KCNK2: variants seen among roughly 807,000 people sequenced by gnomAD.
KCNK2 encodes potassium channel subfamily K member 2.
In KCNK2, 21 loss-of-function variants were observed where a neutral mutation model predicts 40.5. That is an observed-to-expected ratio of 0.52 (90% CI 0.37 to 0.75). The LOEUF (loss-of-function observed/expected upper bound fraction) is 0.75. Ranked by LOEUF, KCNK2 falls within the 30% of genes least tolerant of loss-of-function variation. KCNK2 has a pLI of 0.00. For missense variants in KCNK2, 399 were observed against 531.6 expected (o/e 0.75, Z 2.45); for synonymous variants, 191 against 202.2 (o/e 0.94, Z 0.47).
chr1:215,077,577 G>A (rs1658989044), intron 1 of KCNK2, among the ~76,000 whole-genome samples: 2 of 151,890 alleles, frequency 1.3e-5, no homozygotes, highest in Non-Finnish European at 2.9e-5. Flanking sequence ...GATTTCTTCT[G>A]CGATGAAAAT....
chr1:215,008,767 GA>G (rs1656276269), intron 1 of KCNK2, among the ~76,000 whole-genome samples: 1 of 152,064 alleles, frequency 6.6e-6, no homozygotes, highest in South Asian at 2.1e-4. Flanking sequence ...CAACTCAATA[GA>G]AATATCTATT....
chr1:215,118,327 C>T (rs565056336), intron 2 of KCNK2, among the ~76,000 whole-genome samples: 13 of 152,236 alleles, frequency 8.5e-5, no homozygotes, highest in African/African-American at 2.6e-4. Flanking sequence ...TATTTTTGTG[C>T]TGCAACCATA....
chr1:215,021,244 C>T (rs1358050336), intron 1 of KCNK2, among the ~76,000 whole-genome samples: 2 of 152,124 alleles, frequency 1.3e-5, no homozygotes, highest in Non-Finnish European at 2.9e-5. Flanking sequence ...AGTTATATTT[C>T]AAGTTCCCTA....
rs563939613 is a variant in KCNK2 at position 215,084,458 on chromosome 1, T to G, written c.46+1027T>G. ...AATTGTGGAACTTCTATGTGATTTT[T>G]TTGTTGTTTTTGTTCCAAAGATGGC... On this transcript the variant is annotated intron_variant, in intron 1 of 6. Coordinates refer to ENST00000444842, the MANE Select transcript of KCNK2 (RefSeq NM_001017425.3). Among the ~76,000 whole-genome samples, 21 of 152,330 alleles carry G rather than the reference T, an allele frequency of 1.4e-4. No individual in the cohort carries two copies. In the South Asian group the frequency reaches 1.5e-3, roughly 11 times the overall value.
intron 3 of KCNK2, among the ~76,000 whole-genome samples, chr1:215,160,482 GTATGGC>G (rs1182986145): frequency 2.0e-5 from 3 of 152,164 alleles, no homozygotes; most frequent in Non-Finnish European, 4.4e-5. Flanking sequence ...CAGGTTTATT[GTATGGC>G]TTCTCCTTCC....
chr1:215,011,863 C>T (rs1278762131), intron 1 of KCNK2, among the ~76,000 whole-genome samples: 1 of 151,934 alleles, frequency 6.6e-6, no homozygotes, highest in Non-Finnish European at 1.5e-5. Flanking sequence ...GCCTCGGCCT[C>T]CCAAAGTGCT....
chr1:215,105,891 G>T (rs531670352), intron 2 of KCNK2, among the ~76,000 whole-genome samples: 1 of 152,052 alleles, frequency 6.6e-6, no homozygotes, highest in African/African-American at 2.4e-5. Context: ...TAGTGAGTAA[G>T]CTGTGTCCAT....
chr1:215,056,122 A>G (rs1248102254), intron 1 of KCNK2, among the ~76,000 whole-genome samples: 1 of 152,136 alleles, frequency 6.6e-6, no homozygotes, highest in Non-Finnish European at 1.5e-5. Flanking sequence ...CAGCCTGACC[A>G]AGATGGAGAA....
At chr1:215,195,328 A>G (rs1413820922) in intron 6 of KCNK2, among the ~76,000 whole-genome samples, 2 of 151,372 alleles carry the variant, frequency 1.3e-5, no homozygotes. Flanking sequence ...TTCTAATGAA[A>G]AAGGATGTAA....
At chr1:215,065,280 T>A (rs1218892056) in intron 1 of KCNK2, among the ~76,000 whole-genome samples, 1 of 152,224 alleles carries the variant, frequency 6.6e-6, no homozygotes, top group Non-Finnish European at 1.5e-5. Context: ...TTTCAAAGTT[T>A]GATTTTGTAC....
intron 5 of KCNK2, among the ~76,000 whole-genome samples, chr1:215,178,736 A>G (rs1664097366): frequency 6.6e-6 from 1 of 152,080 alleles, no homozygotes; most frequent in Admixed American, 6.6e-5. Context: ...TAACTTTTTG[A>G]TGTGCTGTTG....
intron 2 of KCNK2, among the ~76,000 whole-genome samples, chr1:215,101,419 A>G (rs1403178474): frequency 6.6e-6 from 1 of 151,876 alleles, no homozygotes; most frequent in African/African-American, 2.4e-5. Flanking sequence ...TGGGGTGGGC[A>G]GGAAGTGTTC....
At chr1:215,060,903 T>C (rs1390019820) in intron 1 of KCNK2, among the ~76,000 whole-genome samples, 1 of 152,194 alleles carries the variant, frequency 6.6e-6, no homozygotes, top group African/African-American at 2.4e-5. Context: ...TAGAAGATTA[T>C]TTATATATTT....
At chr1:215,022,531 G>A (rs1656842152) in intron 1 of KCNK2, among the ~76,000 whole-genome samples, 1 of 151,836 alleles carries the variant, frequency 6.6e-6, no homozygotes, top group South Asian at 2.1e-4. Flanking sequence ...GCCTTTTTTT[G>A]GCTGAATACC....
Position 215,073,379 on chromosome 1 carries a change from G to C in KCNK2, c.35-12989G>C, listed in dbSNP as rs563178309. Among the ~76,000 whole-genome samples the C allele has an allele frequency of 1.2e-4, 19 of 152,282 alleles. No individual in the cohort carries two copies. The East Asian group carries it at 3.7e-3, about 29-fold the overall frequency. ...ACAAGCACTAATAATTCTTGCAAAG[G>C]GGTAATAAATGGAGGGTGCAGAGTG... On this transcript the variant is annotated intron_variant, in intron 1 of 6. Coordinates refer to the KCNK2 transcript ENST00000391895.
chr1:215,048,175 A>G (rs1224505545), intron 1 of KCNK2, among the ~76,000 whole-genome samples: 1 of 152,200 alleles, frequency 6.6e-6, no homozygotes, highest in Non-Finnish European at 1.5e-5. Flanking sequence ...GCTGCGTACA[A>G]TCCCTCATCA....
chr1:215,107,818 A>G (rs1660501330), intron 2 of KCNK2, among the ~76,000 whole-genome samples: 2 of 152,158 alleles, frequency 1.3e-5, no homozygotes, highest in Non-Finnish European at 2.9e-5. Context: ...CACAGATGAA[A>G]AATATTTGAA....
chr1:215,143,802 G>A (rs1662290840), intron 3 of KCNK2, among the ~76,000 whole-genome samples: 1 of 152,108 alleles, frequency 6.6e-6, no homozygotes, highest in African/African-American at 2.4e-5. Context: ...GTGAACTGAT[G>A]ATATATGTTC....
chr1:215,113,273 A>G (rs1660780207), intron 2 of KCNK2, among the ~76,000 whole-genome samples: 1 of 152,198 alleles, frequency 6.6e-6, no homozygotes, highest in Non-Finnish European at 1.5e-5. Context: ...CATAGAAATA[A>G]TATTGTAAAT....
Sources: gnomAD v4.1 joint callset for allele counts (sites outside exome capture counted in the v4.1 genomes callset) on GRCh38, gnomAD v4.1.1 for gene constraint, MANE v1.5 for transcripts, NCBI Gene and HGNC (gene_info 2026-07-23, HGNC 2026-07-21) for gene names.